The following PNLDC1 variants were observed in gnomAD, a reference collection of about 807,000 sequenced individuals.
PNLDC1 encodes the protein poly(A)-specific ribonuclease PNLDC1.
In PNLDC1, 70 loss-of-function variants were observed where a neutral mutation model predicts 82.0. That is an observed-to-expected ratio of 0.85 (90% CI 0.70 to 1.04). The LOEUF (loss-of-function observed/expected upper bound fraction) is 1.04. Ranked by LOEUF, PNLDC1 falls within the 50% of genes least tolerant of loss-of-function variation. PNLDC1 has a pLI of 0.00. For missense variants in PNLDC1, 631 were observed against 661.1 expected (o/e 0.95, Z 0.50); for synonymous variants, 280 against 249.3 (o/e 1.12, Z -1.16).
At chr6:159,811,878 T>A in intron 11 of PNLDC1, 92 bp downstream of exon 11, 2 of 931,090 alleles carry the variant, frequency 2.1e-6, no homozygotes, top group South Asian at 3.2e-5. Flanking sequence ...TTGTGTTTTT[T>A]TGTTTTTTTT....
chr6:159,804,219 G>GCGA, intron 5 of PNLDC1, 131 bp downstream of exon 5: 1 of 1,099,034 alleles, frequency 9.1e-7, no homozygotes, highest in South Asian at 1.5e-5. Flanking sequence ...TCCTGCTTCA[G>GCGA]CCTCCCAAGT....
chr6:159,804,162 G>T, intron 5 of PNLDC1, 74 bp downstream of exon 5: 4 of 1,547,590 alleles, frequency 2.6e-6, no homozygotes, highest in Non-Finnish European at 3.5e-6. Context: ...TGTTGCCCAG[G>T]CTGGAGTGCA....
At chr6:159,818,185 G>A (rs1005601596) in intron 15 of PNLDC1, among the ~76,000 whole-genome samples, 2 of 152,236 alleles carry the variant, frequency 1.3e-5, no homozygotes, top group Non-Finnish European at 2.9e-5. Flanking sequence ...GCTGTGGGAT[G>A]AGGGATGCCC....
In PNLDC1 at chr6:159,820,436, C is replaced by T. The variant is rs559196668; in HGVS notation, c.1533-18C>T. The T allele has an allele frequency of 2.2e-5, 35 of 1,613,840 alleles. No individual in the cohort carries two copies. The highest frequency in any genetic ancestry group is 2.8e-5 in the Non-Finnish European group (33 of 1,179,898). On this transcript the variant is annotated intron_variant, in intron 18 of 18. Transcript: ENST00000392167. Reference sequence around the variant, plus strand: ...CTGCTGGGTGCCCCGGCCACTGACACGTGTCATTGTCTTGCAGAGTCTGTG... The same window carrying T: ...CTGCTGGGTGCCCCGGCCACTGACATGTGTCATTGTCTTGCAGAGTCTGTG...
intron 11 of PNLDC1, among the ~76,000 whole-genome samples, chr6:159,812,816 AT>A (rs1562503111): frequency 6.6e-6 from 1 of 152,194 alleles, no homozygotes; most frequent in Non-Finnish European, 1.5e-5. Flanking sequence ...GAGCCCAGGA[AT>A]TTGAGACTAG....
At position 159,816,069 on chromosome 6, in the gene PNLDC1, G is replaced by A. The variant is rs374617682; in HGVS notation, c.1060+36G>A. 141 of 1,437,170 alleles carry A rather than the reference G, an allele frequency of 9.8e-5. No individual in the cohort carries two copies. The African/African-American group carries it at 1.0e-3, about 10-fold the overall frequency. The allele number at this position is 1,437,170 out of a possible 1,614,324, so 89.0% of individuals were successfully genotyped here. ...ATGAGCCCATAATCCTTGCACAGTC[G>A]GCAGAGTGCTGAGGTGCTCAGCTGA... On this transcript the variant is annotated intron_variant, in intron 13 of 18. Transcript: ENST00000392167.
At chr6:159,802,536 A>G (rs953374060) in intron 3 of PNLDC1, among the ~76,000 whole-genome samples, 2 of 151,516 alleles carry the variant, frequency 1.3e-5, no homozygotes, top group Non-Finnish European at 2.9e-5. Flanking sequence ...CCTCTTTGAG[A>G]AGTATAGGAA....
rs535088039 is a variant in PNLDC1, at chr6:159,819,664, A to C, written c.1532+312A>C. ...GGACCCTATAATGTGTTGGGTGACA[A>C]GTGTTTATTAAAAATGAGAGAAGGG... On this transcript the variant is annotated intron_variant, in intron 18 of 18. Transcript: ENST00000392167. The surrounding 1 kb of genome is among the most constrained non-coding windows in gnomAD (Gnocchi z 4.6). 6.6e-6 allele frequency among the ~76,000 whole-genome samples: 1 copy of C among 152,274 alleles called. No individual in the cohort carries two copies. Among genetic ancestry groups the C allele is most frequent in the South Asian group, 2.1e-4 (1 of 4,828 alleles).
intron 8 of PNLDC1, 69 bp downstream of exon 8, chr6:159,808,885 C>T: frequency 6.3e-7 from 1 of 1,596,794 alleles, no homozygotes; most frequent in Non-Finnish European, 8.6e-7. Context: ...CCAAATCTGG[C>T]CTCTGAAAAG....
chr6:159,814,652 G>GA, intron 12 of PNLDC1, among the ~76,000 whole-genome samples: 1 of 152,310 alleles, frequency 6.6e-6, no homozygotes, highest in Middle Eastern at 3.4e-3. Context: ...GCAAAGCGGG[G>GA]AGAGAGCTTT....
At chr6:159,804,204 G>T in intron 5 of PNLDC1, 116 bp downstream of exon 5, 1 of 1,243,904 alleles carries the variant, frequency 8.0e-7, no homozygotes. Context: ...GGGTTCAAGT[G>T]ATTTTCCTGC....
chr6:159,805,928 T>C (rs1781430249), intron 6 of PNLDC1, 55 bp from the exon 7 acceptor site: 1 of 1,278,686 alleles, frequency 7.8e-7, no homozygotes, highest in Admixed American at 1.7e-5. Flanking sequence ...AACATAGTCT[T>C]GCGGTTCTGA....
intron 12 of PNLDC1, 38 bp downstream of exon 12, chr6:159,813,694 C>A (rs775013564): frequency 6.3e-7 from 1 of 1,583,096 alleles, no homozygotes; most frequent in Non-Finnish European, 8.7e-7. Flanking sequence ...GCTGGAGCGG[C>A]CTTGGTGGCC....
intron 6 of PNLDC1, 109 bp from the exon 7 acceptor site, chr6:159,805,874 A>C: frequency 2.5e-6 from 2 of 788,048 alleles, no homozygotes; most frequent in Non-Finnish European, 4.5e-6. Context: ...TTCTTTGTAT[A>C]TTGCAACATG....
chr6:159,803,415 C>A (rs973711880), intron 4 of PNLDC1, 105 bp downstream of exon 4: 2 of 975,470 alleles, frequency 2.1e-6, no homozygotes, highest in Non-Finnish European at 3.2e-6. Context: ...TGCCCTGGAT[C>A]TTCCGTATTC....
chr6:159,811,684 TG>T lies in PNLDC1; in HGVS notation c.854-14del. 3 of 1,603,690 alleles carry T rather than the reference TG, an allele frequency of 1.9e-6. No homozygotes were observed. Among genetic ancestry groups the T allele is most frequent in the Non-Finnish European group, 2.6e-6 (3 of 1,171,196 alleles). On this transcript the variant is annotated splice_polypyrimidine_tract_variant and intron_variant, in intron 10 of 18. Coordinates refer to ENST00000392167, the MANE Select transcript of PNLDC1 (RefSeq NM_001271862.2). Reference sequence around the variant, plus strand: ...ACAAACAAATTCACTCTTGACTACCTGGGTTTTTCCCCTCAGAAAGCTACGA... The same window carrying T: ...ACAAACAAATTCACTCTTGACTACCTGGTTTTTCCCCTCAGAAAGCTACGA...
In PNLDC1 at chr6:159,801,156, A is replaced by C. The variant is rs113270402; in HGVS notation, c.178A>C (p.Ser60Arg). ...GGAGTGGTATCTAAAGACCCGTCAG[A>C]GTGTTCAGCAATTTACAGTCTGTCA... Reference protein sequence around the residue: ...PSEWYLKTRQSVQQFTVCQIG... With the variant: ...PSEWYLKTRQRVQQFTVCQIG... Residue 60 changes from serine to arginine, a missense_variant, in exon 3 of 19, where the codon AGT becomes CGT. Coordinates refer to ENST00000392167, the MANE Select transcript of PNLDC1 (RefSeq NM_001271862.2). 2 of 1,614,132 alleles carry C rather than the reference A, an allele frequency of 1.2e-6. No homozygotes were observed. The highest frequency in any genetic ancestry group is 1.7e-6 in the Non-Finnish European group (2 of 1,180,016).
upstream of PNLDC1, among the ~76,000 whole-genome samples, chr6:159,799,467 T>C (rs911049860): frequency 7.5e-6 from 1 of 133,354 alleles, no homozygotes; most frequent in Non-Finnish European, 1.7e-5. Context: ...AAAAATAAAG[T>C]ATAACGGTAA....
chr6:159,812,196 G>A (rs967085921), intron 11 of PNLDC1, among the ~76,000 whole-genome samples: 18 of 152,126 alleles, frequency 1.2e-4, no homozygotes, highest in African/African-American at 4.3e-4. Flanking sequence ...CACTGCGCCC[G>A]GCCTGCCACT....
Sources: gnomAD v4.1 joint callset for allele counts (sites outside exome capture counted in the v4.1 genomes callset) on GRCh38, gnomAD v4.1.1 for gene constraint, Gnocchi (gnomAD v3.1) non-coding constraint, MANE v1.5 for transcripts, NCBI Gene and HGNC (gene_info 2026-07-23, HGNC 2026-07-21) for gene names.